KAZN: variants seen among roughly 807,000 people sequenced by gnomAD.
The protein encoded by KAZN is kazrin.
In KAZN, 40 loss-of-function variants were observed where a neutral mutation model predicts 87.4. The ratio of observed to expected loss-of-function variants is 0.46; its 90% confidence interval spans 0.36 to 0.60. KAZN has a LOEUF of 0.60. KAZN is among the 20% of genes least tolerant of loss of function. The probability of loss-of-function intolerance (pLI) is 0.00; values close to 1 mark genes in which losing one functional copy is unlikely to be tolerated. For missense variants in KAZN, 898 were observed against 1,073.9 expected (o/e 0.84, Z 2.29); for synonymous variants, 466 against 458.3 (o/e 1.02, Z -0.22).
chr1:14,378,353 A>G (rs1203357121), intron 2 of KAZN, among the ~76,000 whole-genome samples: 1 of 152,238 alleles, frequency 6.6e-6, no homozygotes, highest in Non-Finnish European at 1.5e-5. Flanking sequence ...CTGGCTGAAT[A>G]GAAGTCTCCA....
chr1:15,070,342 G>A (rs1350342894), intron 8 of KAZN, among the ~76,000 whole-genome samples: 6 of 152,328 alleles, frequency 3.9e-5, no homozygotes, highest in South Asian at 2.1e-4. Context: ...AGGAATCAGC[G>A]GGGGAATCAG....
At chr1:14,121,117 G>A (rs1463130222) in intron 1 of KAZN, among the ~76,000 whole-genome samples, 1 of 152,184 alleles carries the variant, frequency 6.6e-6, no homozygotes, top group Non-Finnish European at 1.5e-5. Context: ...CATGAGTCAA[G>A]CTGTGCGTAC....
intron 4 of KAZN, among the ~76,000 whole-genome samples, chr1:15,047,867 C>T (rs1673753640): frequency 6.6e-6 from 1 of 152,198 alleles, no homozygotes; most frequent in South Asian, 2.1e-4. Flanking sequence ...GAACATGTCC[C>T]TTTTGTCTTC....
At chr1:14,016,638 A>G (rs1640587669) in intron 1 of KAZN, among the ~76,000 whole-genome samples, 1 of 152,108 alleles carries the variant, frequency 6.6e-6, no homozygotes, top group African/African-American at 2.4e-5. Context: ...TTTCTTTTAG[A>G]GGCTTCCATA....
At chr1:14,048,957 G>A (rs1031389158) in intron 1 of KAZN, among the ~76,000 whole-genome samples, 6 of 152,012 alleles carry the variant, frequency 3.9e-5, no homozygotes, top group Admixed American at 6.6e-5. Context: ...TTTAATGATC[G>A]CCATTCTAAC....
chr1:14,703,222 G>A (rs149054338), intron 1 of KAZN, among the ~76,000 whole-genome samples: 3 of 152,194 alleles, frequency 2.0e-5, no homozygotes, highest in Non-Finnish European at 2.9e-5. Context: ...CAGGCTGGGC[G>A]AGGTGGCTCA....
chr1:14,637,469 G>A (rs1680078317), intron 1 of KAZN, among the ~76,000 whole-genome samples: 1 of 152,270 alleles, frequency 6.6e-6, no homozygotes, highest in South Asian at 2.1e-4. Context: ...GGCACACAGT[G>A]GAGAAGGGTG....
intron 1 of KAZN, among the ~76,000 whole-genome samples, chr1:13,979,470 T>C (rs1327048229): frequency 1.3e-5 from 2 of 152,130 alleles, no homozygotes; most frequent in African/African-American, 4.8e-5. Context: ...TAAAGATATT[T>C]TCAGAAAACA....
intron 2 of KAZN, among the ~76,000 whole-genome samples, chr1:14,457,317 C>G (rs952717494): frequency 6.6e-6 from 1 of 152,160 alleles, no homozygotes; most frequent in East Asian, 1.9e-4. Flanking sequence ...TAGAGTTTCT[C>G]TTCTCTAAAA....
chr1:13,965,986 G>A (rs572437697), intron 1 of KAZN, among the ~76,000 whole-genome samples: 2 of 152,134 alleles, frequency 1.3e-5, no homozygotes, highest in African/African-American at 4.8e-5. Flanking sequence ...AGCCCAGGAG[G>A]GGGAGGCAGA....
chr1:14,141,087 G>T (rs4662119), intron 1 of KAZN, among the ~76,000 whole-genome samples: 84,290 of 151,252 alleles, frequency 0.56, 24,884 homozygotes, highest in East Asian at 0.74. Context: ...CCTGGACGCC[G>T]TTCTGGCTGC....
At chr1:14,953,462 C>A (rs893348179) in intron 1 of KAZN, among the ~76,000 whole-genome samples, 1 of 152,228 alleles carries the variant, frequency 6.6e-6, no homozygotes, top group East Asian at 1.9e-4. Context: ...CCCTGTGTGA[C>A]CTTGGCCAAG....
At chr1:14,633,139 A>T (rs1679700732) in intron 1 of KAZN, among the ~76,000 whole-genome samples, 1 of 151,996 alleles carries the variant, frequency 6.6e-6, no homozygotes, top group Admixed American at 6.5e-5. Flanking sequence ...CTGGTCTCGA[A>T]CTCCTGACCT....
chr1:14,623,031 A>G (rs915961861), intron 1 of KAZN, among the ~76,000 whole-genome samples: 2 of 152,174 alleles, frequency 1.3e-5, no homozygotes, highest in Admixed American at 6.5e-5. Context: ...TAGTTCAGCT[A>G]TGTGAAAAGC....
At chr1:14,130,159 T>C (rs1570811403) in intron 1 of KAZN, among the ~76,000 whole-genome samples, 1 of 152,232 alleles carries the variant, frequency 6.6e-6, no homozygotes, top group Admixed American at 6.5e-5. Context: ...GGGCCAAAAA[T>C]GTTAAGGGCT....
At chr1:14,752,760 C>G (rs1007355324) in intron 1 of KAZN, among the ~76,000 whole-genome samples, 1 of 152,292 alleles carries the variant, frequency 6.6e-6, no homozygotes, top group Admixed American at 6.5e-5. Context: ...GGGACACATT[C>G]AGACCATAGC....
intron 1 of KAZN, among the ~76,000 whole-genome samples, chr1:14,785,528 G>C (rs1245550986): frequency 6.6e-6 from 1 of 152,046 alleles, no homozygotes; most frequent in Non-Finnish European, 1.5e-5. Context: ...GGAGCTTCAT[G>C]TTACTCCCTC....
intron 1 of KAZN, among the ~76,000 whole-genome samples, chr1:14,158,439 A>C (rs1455293479): frequency 6.6e-6 from 1 of 151,814 alleles, no homozygotes; most frequent in Non-Finnish European, 1.5e-5. Context: ...TCAGCTCCAA[A>C]ATTTCTGCTT....
At chr1:14,548,381 T>C (rs1001255766) in intron 2 of KAZN, among the ~76,000 whole-genome samples, 3 of 152,078 alleles carry the variant, frequency 2.0e-5, no homozygotes, top group Non-Finnish European at 4.4e-5. Flanking sequence ...ATATTTTTAG[T>C]AGAGACAGGC....
Sources: gnomAD v4.1 joint callset for allele counts (sites outside exome capture counted in the v4.1 genomes callset) on GRCh38, gnomAD v4.1.1 for gene constraint, MANE v1.5 for transcripts, NCBI Gene and HGNC (gene_info 2026-07-23, HGNC 2026-07-21) for gene names.